CYYR1: variants seen among roughly 807,000 people sequenced by gnomAD.
CYYR1 encodes cysteine and tyrosine rich 1, also known as cysteine and tyrosine-rich protein 1.
A neutral mutation model predicts 15.2 loss-of-function variants in CYYR1; 14 were observed. The ratio of observed to expected loss-of-function variants is 0.92; its 90% CI spans 0.61 to 1.44. The LOEUF is 1.44. Among genes scored for constraint, CYYR1 ranks in the 40% most tolerant of loss-of-function variants. The probability of loss-of-function intolerance (pLI) is 0.00; values close to 1 mark genes in which losing one functional copy is unlikely to be tolerated. For missense variants in CYYR1, 228 were observed against 209.5 expected (o/e 1.09, Z -0.54); for synonymous variants, 80 against 77.4 (o/e 1.03, Z -0.18).
At chr21:26,493,393 G>A (rs1382217752) in intron 2 of CYYR1, among the ~76,000 whole-genome samples, 1 of 152,120 alleles carries the variant, frequency 6.6e-6, no homozygotes, top group Non-Finnish European at 1.5e-5. Context: ...GACAAAAGAT[G>A]GTAAAAGACT....
intron 2 of CYYR1, among the ~76,000 whole-genome samples, chr21:26,519,281 T>C (rs2065772739): frequency 6.6e-6 from 1 of 152,156 alleles, no homozygotes; most frequent in Non-Finnish European, 1.5e-5. Context: ...TGTCAGAAGC[T>C]ATAAAATTGT....
chr21:26,565,873 A>G (rs1307870120), intron 2 of CYYR1, among the ~76,000 whole-genome samples: 4 of 152,362 alleles, frequency 2.6e-5, no homozygotes, highest in Middle Eastern at 3.4e-3. Flanking sequence ...AAATTAATAC[A>G]TGATGACAAA....
intron 2 of CYYR1, among the ~76,000 whole-genome samples, chr21:26,543,829 C>A (rs997988208): frequency 2.0e-5 from 3 of 151,984 alleles, no homozygotes; most frequent in African/African-American, 7.3e-5. Context: ...TTGCTTGAAC[C>A]CGGGAGGCGG....
At chr21:26,554,987 T>C (rs1340124329) in intron 2 of CYYR1, among the ~76,000 whole-genome samples, 6 of 152,062 alleles carry the variant, frequency 3.9e-5, no homozygotes, top group African/African-American at 1.4e-4. Context: ...TGTATAAATA[T>C]ATATGTCAGG....
chr21:26,532,417 G>A (rs2123610064), intron 2 of CYYR1, among the ~76,000 whole-genome samples: 1 of 152,268 alleles, frequency 6.6e-6, no homozygotes, highest in Non-Finnish European at 1.5e-5. Context: ...TAAGGAGGCA[G>A]ATGACGCTGG....
At chr21:26,567,045 G>A (rs932163593) in intron 1 of CYYR1, among the ~76,000 whole-genome samples, 1 of 151,092 alleles carries the variant, frequency 6.6e-6, no homozygotes, top group Non-Finnish European at 1.5e-5. Flanking sequence ...TCTTACTTTA[G>A]GGTCTTGTAT....
chr21:26,528,503 GC>G (rs1344083435), intron 2 of CYYR1, among the ~76,000 whole-genome samples: 1 of 152,098 alleles, frequency 6.6e-6, no homozygotes, highest in Non-Finnish European at 1.5e-5. Flanking sequence ...CATATGATGT[GC>G]CTGCTCCTCA....
intron 3 of CYYR1, among the ~76,000 whole-genome samples, chr21:26,469,374 G>T (rs1033719219): frequency 6.6e-6 from 1 of 152,066 alleles, no homozygotes; most frequent in South Asian, 2.1e-4. Flanking sequence ...GGACAAGTAG[G>T]TTAGGAAATG....
chr21:26,548,763 T>G (rs1258494145), intron 2 of CYYR1, among the ~76,000 whole-genome samples: 2 of 152,240 alleles, frequency 1.3e-5, no homozygotes. Flanking sequence ...CCACTGGATC[T>G]GAATTTCTAG....
intron 2 of CYYR1, among the ~76,000 whole-genome samples, chr21:26,543,514 C>T (rs967934255): frequency 3.3e-5 from 5 of 152,242 alleles, no homozygotes; most frequent in South Asian, 2.1e-4. Context: ...CCTTTCCTTC[C>T]GCACTGGGAC....
rs1416209230 is a variant in CYYR1, at chr21:26,547,744, G to T, written c.176+18522C>A. Among the ~76,000 whole-genome samples, 6 of 150,600 alleles carry T rather than the reference G, an allele frequency of 4.0e-5. No individual in the cohort carries two copies. In the East Asian group the frequency reaches 1.2e-3, roughly 29 times the overall value. On this transcript the variant is annotated intron_variant, in intron 2 of 3. Transcript: ENST00000652641. ...GAGCAGCATTCAGGTTACGGGTTTTGTTCCTTCCTGCTGAAAGTTGTAATT... is the reference window on the plus strand; with the variant it reads ...GAGCAGCATTCAGGTTACGGGTTTTTTTCCTTCCTGCTGAAAGTTGTAATT...
intron 2 of CYYR1, among the ~76,000 whole-genome samples, chr21:26,545,567 C>CTCTT (rs1978905392): frequency 1.4e-5 from 1 of 73,744 alleles, no homozygotes. Context: ...GATGCTTATT[C>CTCTT]TTTTTTTTTT....
chr21:26,562,452 A>G (rs1217987865), intron 2 of CYYR1, among the ~76,000 whole-genome samples: 2 of 152,166 alleles, frequency 1.3e-5, no homozygotes, highest in Admixed American at 6.6e-5. Flanking sequence ...TTTGCTAGGC[A>G]TGACCAACAA....
chr21:26,525,489 C>T (rs898882336), intron 2 of CYYR1, among the ~76,000 whole-genome samples: 1 of 152,292 alleles, frequency 6.6e-6, no homozygotes, highest in Non-Finnish European at 1.5e-5. Context: ...GCTGCCCCTG[C>T]CGCCTTCCTT....
intron 2 of CYYR1, chr21:26,564,598 A>G (rs760085351): frequency 1.1e-5 from 9 of 814,540 alleles, no homozygotes; most frequent in Non-Finnish European, 1.3e-5. Flanking sequence ...AAGTACATCT[A>G]TAAATTCAAA....
chr21:26,497,315 A>G (rs916673690), intron 2 of CYYR1, among the ~76,000 whole-genome samples: 4 of 152,218 alleles, frequency 2.6e-5, no homozygotes, highest in Non-Finnish European at 5.9e-5. Flanking sequence ...TCACCAGTCC[A>G]TGATTTCAAA....
Position 26,528,296 on chromosome 21 carries a change from C to T in CYYR1, c.176+37970G>A, listed in dbSNP as rs1321821098. On this transcript the variant is annotated intron_variant, in intron 2 of 3. Transcript: ENST00000652641. ...TTGGATATGTGTCCCCTCCAAATCT[C>T]GTGTTGAAATGTGATCCTTAGTGTT... Among the ~76,000 whole-genome samples the T allele has an allele frequency of 3.9e-5, 6 of 152,130 alleles. No individual in the cohort carries two copies. In the East Asian group the frequency reaches 7.7e-4, roughly 20 times the overall value.
chr21:26,485,796 T>C (rs1323154814), intron 2 of CYYR1, among the ~76,000 whole-genome samples: 1 of 152,150 alleles, frequency 6.6e-6, no homozygotes, highest in Non-Finnish European at 1.5e-5. Context: ...TGGACATAAG[T>C]ATTCATTTCT....
At chr21:26,491,084 A>G (rs773348925) in intron 2 of CYYR1, among the ~76,000 whole-genome samples, 6 of 152,190 alleles carry the variant, frequency 3.9e-5, no homozygotes, top group Admixed American at 6.5e-5. Flanking sequence ...TTGAAAAGAA[A>G]AATATGAAAC....
Sources: allele counts gnomAD v4.1 joint callset (sites outside exome capture counted in the v4.1 genomes callset), GRCh38; gene constraint gnomAD v4.1.1; transcripts MANE v1.5; gene names NCBI Gene and HGNC (gene_info 2026-07-23, HGNC 2026-07-21).